Variants in CPEB4 observed in about 807,000 individuals in gnomAD.
CPEB4 encodes the protein cytoplasmic polyadenylation element binding protein 4, also known as cytoplasmic polyadenylation element-binding protein 4.
CPEB4 carries 12 observed loss-of-function variants against 72.5 expected under a neutral mutation model. The ratio of observed to expected loss-of-function variants is 0.17; its 90% CI spans 0.11 to 0.27. The LOEUF is 0.27. Among genes scored for constraint, CPEB4 ranks in the 10% least tolerant of loss-of-function variants. CPEB4 has a pLI of 1.00. For missense variants in CPEB4, 614 were observed against 908.5 expected (o/e 0.68, Z 4.17); for synonymous variants, 302 against 326.3 (o/e 0.93, Z 0.80).
intron 2 of CPEB4, among the ~76,000 whole-genome samples, chr5:173,930,323 TG>T (rs2113231661): frequency 6.6e-6 from 1 of 152,328 alleles, no homozygotes; most frequent in East Asian, 1.9e-4. Context: ...CTCAAAGTGC[TG>T]GGGTTACAGG....
chr5:173,958,334 C>T lies in CPEB4; in HGVS notation c.*2197C>T, dbSNP rs1292138784. Reference sequence around the variant, plus strand: ...CATTTTTAGGCACACTTTTCACTGACGGGATATCTCTTTATGCAATACCTC... The same window carrying T: ...CATTTTTAGGCACACTTTTCACTGATGGGATATCTCTTTATGCAATACCTC... On this transcript the variant is annotated 3_prime_UTR_variant, in exon 10 of 10. Coordinates refer to ENST00000265085, the MANE Select transcript of CPEB4 (RefSeq NM_030627.4). The T allele has an allele frequency of 1.3e-5, 2 of 152,666 alleles. No individual in the cohort carries two copies. Among genetic ancestry groups the T allele is most frequent in the Non-Finnish European group, 2.9e-5 (2 of 68,020 alleles). The allele number at this position is 152,666 out of a possible 1,614,324, so 9.5% of individuals were successfully genotyped here. A position where few individuals can be genotyped will look rare whatever the true frequency, so the allele number is the denominator to read the frequency against.
intron 1 of CPEB4, among the ~76,000 whole-genome samples, chr5:173,902,160 C>G (rs1374195617): frequency 6.6e-6 from 1 of 152,212 alleles, no homozygotes; most frequent in Non-Finnish European, 1.5e-5. Flanking sequence ...GCTCTACTGG[C>G]ATCTCAAAAT....
chr5:173,919,102 G>A, intron 2 of CPEB4, among the ~76,000 whole-genome samples: 1 of 152,084 alleles, frequency 6.6e-6, no homozygotes, highest in East Asian at 1.9e-4. Flanking sequence ...TGGTTATTAT[G>A]ACTTAATATT....
intron 4 of CPEB4, among the ~76,000 whole-genome samples, chr5:173,943,855 A>C (rs747100284): frequency 3.9e-5 from 6 of 152,210 alleles, no homozygotes; most frequent in Admixed American, 6.5e-5. Context: ...TGTTTCTATT[A>C]AAGTAAGAGC....
At chr5:173,924,668 G>A (rs1757182193) in intron 2 of CPEB4, among the ~76,000 whole-genome samples, 1 of 152,140 alleles carries the variant, frequency 6.6e-6, no homozygotes, top group African/African-American at 2.4e-5. Flanking sequence ...GAAGTCAATG[G>A]AATTATCTCT....
chr5:173,954,133 C>G (rs1220304297), intron 9 of CPEB4, among the ~76,000 whole-genome samples: 1 of 152,146 alleles, frequency 6.6e-6, no homozygotes, highest in Non-Finnish European at 1.5e-5. Context: ...ATATCCATCA[C>G]TCTGAGGCAT....
intron 2 of CPEB4, among the ~76,000 whole-genome samples, chr5:173,928,309 A>G (rs1757320086): frequency 6.6e-6 from 1 of 152,214 alleles, no homozygotes; most frequent in Non-Finnish European, 1.5e-5. Flanking sequence ...ACAAATGTAT[A>G]GGTTGGTGCA....
intron 3 of CPEB4, among the ~76,000 whole-genome samples, chr5:173,938,319 G>T (rs897075655): frequency 6.6e-6 from 1 of 152,030 alleles, no homozygotes; most frequent in South Asian, 2.1e-4. Flanking sequence ...TTTACCTCCC[G>T]GGTTGAAGCA....
At chr5:173,896,401 A>G (rs765925321) in intron 1 of CPEB4, among the ~76,000 whole-genome samples, 1 of 152,192 alleles carries the variant, frequency 6.6e-6, no homozygotes. Flanking sequence ...ATTCCCATCC[A>G]TTTTTTCTCA....
intron 1 of CPEB4, 72 bp from the exon 2 acceptor site, chr5:173,910,451 A>G: frequency 9.6e-7 from 1 of 1,038,230 alleles, no homozygotes; most frequent in South Asian, 1.3e-5. Flanking sequence ...GTCCCATCTA[A>G]TGAAACTTAC....
At chr5:173,952,553 TA>T (rs1207685828) in intron 8 of CPEB4, among the ~76,000 whole-genome samples, 1 of 152,106 alleles carries the variant, frequency 6.6e-6, no homozygotes, top group Non-Finnish European at 1.5e-5. Flanking sequence ...TAACACTTCA[TA>T]AAGAAGAAAA....
intron 2 of CPEB4, among the ~76,000 whole-genome samples, chr5:173,929,785 G>A (rs574680937): frequency 1.3e-5 from 2 of 152,260 alleles, no homozygotes; most frequent in South Asian, 4.1e-4. Context: ...GGTTTCTATT[G>A]CAATGTTAGC....
At chr5:173,912,051 A>C (rs1466573885) in intron 2 of CPEB4, among the ~76,000 whole-genome samples, 1 of 152,188 alleles carries the variant, frequency 6.6e-6, no homozygotes, top group Admixed American at 6.5e-5. Flanking sequence ...ATAGGCATCC[A>C]TCTGATGTGA....
At chr5:173,948,254 A>G (rs55924019) in intron 5 of CPEB4, among the ~76,000 whole-genome samples, 33,776 of 152,176 alleles carry the variant, frequency 0.22, 4,967 homozygotes, top group Non-Finnish European at 0.31. Context: ...GGAGTCTTCA[A>G]TGGATGCCAA....
intron 2 of CPEB4, among the ~76,000 whole-genome samples, chr5:173,922,304 C>T (rs1229316439): frequency 6.6e-6 from 1 of 152,050 alleles, no homozygotes. Context: ...AATCTTGGCT[C>T]ACTGCAGCCT....
At chr5:173,929,857 A>C (rs147642732) in intron 2 of CPEB4, among the ~76,000 whole-genome samples, 118 of 152,274 alleles carry the variant, frequency 7.7e-4, no homozygotes, top group African/African-American at 2.6e-3. Context: ...ATTTCAACTA[A>C]TGTTATCAAA....
chr5:173,953,556 G>T (rs1314316729), intron 9 of CPEB4: 2 of 379,878 alleles, frequency 5.3e-6, no homozygotes, highest in Non-Finnish European at 9.3e-6. Flanking sequence ...CACTTAGTTT[G>T]TAAGTCATTC....
chr5:173,953,289 A>C lies in CPEB4; in HGVS notation c.1962+17A>C. On this transcript the variant is annotated intron_variant, in intron 9 of 9. Coordinates refer to ENST00000265085, the MANE Select transcript of CPEB4 (RefSeq NM_030627.4). ...GATAAACGGGTAAGCCTTATACTAC[A>C]TTTTGGAAAATTCTAGAAATGGTCC... 2 of 1,465,056 alleles carry C rather than the reference A, an allele frequency of 1.4e-6. No individual in the cohort carries two copies. Among genetic ancestry groups the C allele is most frequent in the South Asian group, 1.5e-5 (1 of 65,226 alleles). The allele number at this position is 1,465,056 out of a possible 1,614,324, so 90.8% of individuals were successfully genotyped here.
In CPEB4 at chr5:173,957,411, C is replaced by T. The variant is rs1319281503; in HGVS notation, c.*1274C>T. ...CAAAGGTACGTATGTTTATCTTACT[C>T]TTCCTATAAACTAAAATAACATTAC... On this transcript the variant is annotated 3_prime_UTR_variant, in exon 10 of 10. Coordinates refer to ENST00000265085, the MANE Select transcript of CPEB4 (RefSeq NM_030627.4). The T allele has an allele frequency of 3.9e-5, 6 of 152,792 alleles. No individual in the cohort carries two copies. Among genetic ancestry groups the T allele is most frequent in the Admixed American group, 1.3e-4 (2 of 15,284 alleles). The allele number at this position is 152,792 out of a possible 1,614,324, so 9.5% of individuals were successfully genotyped here. A position where few individuals can be genotyped will look rare whatever the true frequency, so the allele number is the denominator to read the frequency against.
Sources: gnomAD v4.1 joint callset for allele counts (sites outside exome capture counted in the v4.1 genomes callset) on GRCh38, gnomAD v4.1.1 for gene constraint, MANE v1.5 for transcripts, NCBI Gene and HGNC (gene_info 2026-07-23, HGNC 2026-07-21) for gene names.